The following MYSM1 variants were observed in gnomAD, a reference collection of about 807,000 sequenced individuals.
MYSM1 encodes deubiquitinase MYSM1.
Under a neutral mutation model 116.0 loss-of-function variants are expected in MYSM1, and 51 were observed. The observed-to-expected ratio is 0.44, with a 90% confidence interval of 0.35 to 0.56. The LOEUF (loss-of-function observed/expected upper bound fraction) is 0.56. Ranked by LOEUF, MYSM1 falls within the 20% of genes least tolerant of loss-of-function variation. The probability of loss-of-function intolerance (pLI) is 0.00; values close to 1 mark genes in which losing one functional copy is unlikely to be tolerated. For missense variants in MYSM1, 900 were observed against 974.9 expected, an observed-to-expected ratio of 0.92 and a Z score of 1.02; for synonymous variants, 313 against 315.2, an observed-to-expected ratio of 0.99 and a Z score of 0.07.
intron 10 of MYSM1, among the ~76,000 whole-genome samples, chr1:58,674,926 CAAAAAAAA>C (rs1223507192): frequency 1.7e-5 from 1 of 58,152 alleles, no homozygotes; most frequent in African/African-American, 5.9e-5. Context: ...GACTCTGTCT[CAAAAAAAA>C]AAAAAAAAGA....
chr1:58,671,378 T>G (rs375095646), intron 12 of MYSM1, among the ~76,000 whole-genome samples: 5 of 152,284 alleles, frequency 3.3e-5, no homozygotes, highest in African/African-American at 1.2e-4. Flanking sequence ...GATATCTTCT[T>G]TTAAAAGGTA....
intron 7 of MYSM1, among the ~76,000 whole-genome samples, chr1:58,684,366 C>G (rs956013981): frequency 7.2e-5 from 11 of 151,906 alleles, no homozygotes; most frequent in African/African-American, 2.7e-4. Context: ...GAGATCCAGA[C>G]CATCCTGGCT....
At chr1:58,678,402 A>G (rs1256602710) in intron 8 of MYSM1, among the ~76,000 whole-genome samples, 1 of 152,198 alleles carries the variant, frequency 6.6e-6, no homozygotes, top group African/African-American at 2.4e-5. Flanking sequence ...AGACTACTCA[A>G]AGTAAAAGGC....
chr1:58,693,715 A>G (rs1644933672), intron 2 of MYSM1, among the ~76,000 whole-genome samples: 1 of 152,130 alleles, frequency 6.6e-6, no homozygotes, highest in Admixed American at 6.5e-5. Flanking sequence ...TGCTTCCATT[A>G]CCGTGAATGT....
At chr1:58,684,008 A>G (rs1644787337) in intron 7 of MYSM1, among the ~76,000 whole-genome samples, 1 of 152,136 alleles carries the variant, frequency 6.6e-6, no homozygotes, top group Non-Finnish European at 1.5e-5. Context: ...AGAATAACCA[A>G]GTTAAGCTTT....
At position 58,661,177 on chromosome 1, in the gene MYSM1, A is replaced by T. The variant is rs966471372; in HGVS notation, c.2321T>A (p.Leu774Ter). 2 of 1,612,716 alleles carry T rather than the reference A, an allele frequency of 1.2e-6. No homozygotes were observed. Among genetic ancestry groups the T allele is most frequent in the Non-Finnish European group, 1.7e-6 (2 of 1,178,872 alleles). Residue 774 changes from leucine to a stop codon, truncating the protein, a stop_gained, in exon 19 of 20, where the codon TTG becomes TAG. Transcript: ENST00000472487. LOFTEE classifies it high-confidence loss of function. Reference protein sequence around the residue: ...IFRRDSDLTCLQKLLECMRKT... With the variant: ...IFRRDSDLTC ...AAAATGAAGACAGCTTACTTTCTGC[A>T]AACAAGTCAGGTCAGAATCCCGGCG...
chr1:58,680,070 G>C (rs1054010584), intron 8 of MYSM1, among the ~76,000 whole-genome samples: 3 of 149,840 alleles, frequency 2.0e-5, no homozygotes, highest in Non-Finnish European at 3.0e-5. Context: ...CACTACTCCT[G>C]ACCAATATGG....
chr1:58,692,185 T>C (rs765774632), intron 3 of MYSM1, among the ~76,000 whole-genome samples: 24 of 152,236 alleles, frequency 1.6e-4, no homozygotes, highest in South Asian at 2.1e-4. Context: ...AAAATCAACA[T>C]GGCAATAAGT....
intron 6 of MYSM1, among the ~76,000 whole-genome samples, chr1:58,685,700 T>A (rs544313043): frequency 6.6e-6 from 1 of 152,358 alleles, no homozygotes; most frequent in Non-Finnish European, 1.5e-5. Flanking sequence ...CCATTATGTA[T>A]CTCACAGCAG....
At chr1:58,685,699 A>G (rs61374434) in intron 6 of MYSM1, among the ~76,000 whole-genome samples, 2,194 of 152,312 alleles carry the variant, frequency 0.014, 51 homozygotes, top group African/African-American at 0.05. Flanking sequence ...TCCATTATGT[A>G]TCTCACAGCA....
chr1:58,664,766 A>T (rs1179708581), intron 17 of MYSM1, among the ~76,000 whole-genome samples: 1 of 152,238 alleles, frequency 6.6e-6, no homozygotes, highest in Non-Finnish European at 1.5e-5. Context: ...AGAGCTCATA[A>T]TCTAATGGGG....
intron 19 of MYSM1, 50 bp downstream of exon 19, chr1:58,661,120 A>G: frequency 7.4e-7 from 1 of 1,355,882 alleles, no homozygotes; most frequent in Non-Finnish European, 1.1e-6. Context: ...TGAGATGAAT[A>G]GCTTCAGAAT....
rs201900540 is a variant in MYSM1 at position 58,660,038 on chromosome 1, C to T, written c.2446G>A (p.Gly816Arg). 7.5e-6 allele frequency: 12 copies of T among 1,607,602 alleles called. No individual in the cohort carries two copies. In the African/African-American group the frequency reaches 1.5e-4, roughly 20 times the overall value. Residue 816 changes from glycine (G) to arginine (R), a missense_variant, in exon 20 of 20, where the codon GGA (glycine) becomes AGA (arginine). Coordinates refer to ENST00000472487, the MANE Select transcript of MYSM1 (RefSeq NM_001085487.3). Reference protein sequence around the residue: ...LSNYKSNQENGVTEENCTKEL... With the variant: ...LSNYKSNQENRVTEENCTKEL... ...TTTGTACAGTTCTCTTCGGTTACTC[C>T]ATTCTCTTGGTTGCTTTTATAATTG...
intron 12 of MYSM1, 68 bp downstream of exon 12, chr1:58,671,802 T>C: frequency 1.7e-6 from 2 of 1,161,234 alleles, no homozygotes; most frequent in South Asian, 2.8e-5. Flanking sequence ...AGCTATTGAA[T>C]ATTTTTTCAT....
intron 11 of MYSM1, among the ~76,000 whole-genome samples, chr1:58,672,334 C>T (rs1167786451): frequency 6.6e-6 from 1 of 152,052 alleles, no homozygotes; most frequent in Non-Finnish European, 1.5e-5. Context: ...TGATTAAGAA[C>T]AGATTCTGGA....
At chr1:58,691,274 C>G (rs1644902724) in intron 3 of MYSM1, among the ~76,000 whole-genome samples, 1 of 150,036 alleles carries the variant, frequency 6.7e-6, no homozygotes, top group African/African-American at 2.5e-5. Context: ...AGCGAGACTC[C>G]GTCTCAAAAA....
chr1:58,665,965 C>T (rs1056553096), intron 16 of MYSM1, among the ~76,000 whole-genome samples: 3 of 151,876 alleles, frequency 2.0e-5, no homozygotes, highest in African/African-American at 4.8e-5. Context: ...GCTGAGGCAG[C>T]AGAATCCCTT....
chr1:58,696,764 G>T (rs753984787), intron 1 of MYSM1, among the ~76,000 whole-genome samples: 24 of 152,328 alleles, frequency 1.6e-4, no homozygotes, highest in South Asian at 2.1e-4. Flanking sequence ...TGAGAGCACA[G>T]ACTTGGTTTT....
rs367989802 is a variant in MYSM1, at chr1:58,700,034, C to A, written c.19G>T (p.Asp7Tyr). The change falls in exon 1 of 20, where the codon GAT becomes TAT. Residue 7 changes from aspartate (D) to tyrosine (Y), a missense_variant. Coordinates refer to ENST00000472487, the MANE Select transcript of MYSM1 (RefSeq NM_001085487.3). MAAEEA[D>Y]VDIEGDVVAA... ...ACCACGTCCCCTTCGATATCCACAT[C>A]CGCCTCTTCAGCCGCCATGATGGGA... is the stretch of plus-strand genomic sequence containing the variant. 6.2e-7 allele frequency: 1 copy of A among 1,613,700 alleles called. No homozygotes were observed. Among genetic ancestry groups the A allele is most frequent in the African/African-American group, 1.3e-5 (1 of 74,952 alleles).
Sources: allele counts gnomAD v4.1 joint callset (sites outside exome capture counted in the v4.1 genomes callset), GRCh38; gene constraint gnomAD v4.1.1; transcripts MANE v1.5; gene names NCBI Gene and HGNC (gene_info 2026-07-23, HGNC 2026-07-21).